The following MAGI2 variants were observed in gnomAD, a reference collection of about 807,000 sequenced individuals.
The protein encoded by MAGI2 is membrane-associated guanylate kinase, WW and PDZ domain-containing protein 2.
In MAGI2, 35 loss-of-function variants were observed where a neutral mutation model predicts 133.3. The ratio of observed to expected loss-of-function variants is 0.26; its 90% CI spans 0.20 to 0.35. The LOEUF (loss-of-function observed/expected upper bound fraction) is 0.35, where lower values mean the gene tolerates loss of function less well. MAGI2 is among the 10% of genes least tolerant of loss of function. MAGI2 has a pLI of 1.00. For missense variants in MAGI2, 1,636 were observed against 1,863.4 expected (o/e 0.88, Z 2.25); for synonymous variants, 729 against 710.6 (o/e 1.03, Z -0.41).
intron 1 of MAGI2, among the ~76,000 whole-genome samples, chr7:79,354,850 C>T (rs752301782): frequency 6.6e-5 from 10 of 152,136 alleles, no homozygotes; most frequent in African/African-American, 1.2e-4. Context: ...CAGAGGAGCT[C>T]CAGGATACTC....
intron 9 of MAGI2, among the ~76,000 whole-genome samples, chr7:78,323,259 A>G (rs1026799320): frequency 6.6e-6 from 1 of 152,166 alleles, no homozygotes; most frequent in African/African-American, 2.4e-5. Context: ...ACTACAAGAA[A>G]TATCTTTCTG....
intron 3 of MAGI2, among the ~76,000 whole-genome samples, chr7:78,569,323 C>T (rs972781369): frequency 3.3e-5 from 5 of 152,110 alleles, no homozygotes; most frequent in African/African-American, 1.2e-4. Flanking sequence ...GGGCATAGTA[C>T]ATGGTTAAGG....
At chr7:78,651,139 C>T (rs11514934) in intron 2 of MAGI2, among the ~76,000 whole-genome samples, 7,513 of 152,148 alleles carry the variant, frequency 0.049, 283 homozygotes, top group East Asian at 0.16. Context: ...GAAACAGCCC[C>T]TCCATGAGGC....
intron 2 of MAGI2, among the ~76,000 whole-genome samples, chr7:78,690,672 T>G (rs1227678674): frequency 6.6e-6 from 1 of 152,202 alleles, no homozygotes; most frequent in Admixed American, 6.6e-5. Context: ...GGCTTTAGAT[T>G]TAAATTCTGT....
chr7:78,031,268 A>G (rs1343137206), intron 21 of MAGI2, among the ~76,000 whole-genome samples: 1 of 152,208 alleles, frequency 6.6e-6, no homozygotes, highest in East Asian at 1.9e-4. Flanking sequence ...AAACTGTTCT[A>G]TATCTTAATT....
chr7:78,400,255 G>A (rs574341647), intron 6 of MAGI2, among the ~76,000 whole-genome samples: 9 of 152,084 alleles, frequency 5.9e-5, no homozygotes, highest in Non-Finnish European at 1.0e-4. Flanking sequence ...ATAATGGTCC[G>A]TTGTGACTGG....
intron 3 of MAGI2, among the ~76,000 whole-genome samples, chr7:78,552,579 A>T (rs1799445004): frequency 6.6e-6 from 1 of 152,248 alleles, no homozygotes; most frequent in Admixed American, 6.5e-5. Flanking sequence ...TAAAAATGAG[A>T]AACTATACAA....
rs118002820 is a variant in MAGI2 at position 78,608,861 on chromosome 7, C to T, written c.538+18259G>A. Among the ~76,000 whole-genome samples, 120 of 152,164 alleles carry T rather than the reference C, an allele frequency of 7.9e-4. 2 individuals are homozygous for T. In the East Asian group the frequency reaches 0.022, roughly 27 times the overall value. ...TGACTGGCTGTTTTAGTCAGGGTTC[C>T]CTAGAGGGGCAGAACTAATAGAATG... is the stretch of plus-strand genomic sequence containing the variant. On this transcript the variant is annotated intron_variant, in intron 3 of 21. Transcript: ENST00000354212.
chr7:79,165,257 A>G (rs1253588408), intron 1 of MAGI2, among the ~76,000 whole-genome samples: 1 of 151,704 alleles, frequency 6.6e-6, no homozygotes, highest in East Asian at 1.9e-4. Flanking sequence ...ATAGATTAAC[A>G]TCTTTTAAGT....
rs1839472739 is a variant in MAGI2 at position 79,324,555 on chromosome 7, ATAC to A, written c.301+128462_301+128464del. 5.2e-5 allele frequency among the ~76,000 whole-genome samples: 3 copies of A among 57,446 alleles called. 1 individual carries two copies. The highest frequency in any genetic ancestry group is 1.9e-4 in the African/African-American group (3 of 15,936). The allele number at this position is 57,446 out of a possible 152,430, so 37.7% of individuals were successfully genotyped here. Reference sequence around the variant, plus strand: ...TATATATAACCATATATATACATATATACACATATAACCATATATATACACCAT... The same window carrying A: ...TATATATAACCATATATATACATATAACATATAACCATATATATACACCAT... On this transcript the variant is annotated intron_variant, in intron 1 of 21. Coordinates refer to ENST00000354212, the MANE Select transcript of MAGI2 (RefSeq NM_012301.4).
At chr7:78,131,374 T>C (rs537752400) in intron 18 of MAGI2, among the ~76,000 whole-genome samples, 1 of 152,306 alleles carries the variant, frequency 6.6e-6, no homozygotes, top group African/African-American at 2.4e-5. Flanking sequence ...GGGAAATCAG[T>C]AGAATAAGGC....
chr7:78,369,939 A>G lies in MAGI2; in HGVS notation c.1046-726T>C, dbSNP rs556907980. Among the ~76,000 whole-genome samples the G allele has an allele frequency of 1.1e-4, 17 of 152,136 alleles. 1 individual carries two copies. In the South Asian group the frequency reaches 3.5e-3, roughly 32 times the overall value. ...GCTTTGCTTCATAATATTGTTTTCC[A>G]AATACACCAAGGTTTTATAATTATT... On this transcript the variant is annotated intron_variant, in intron 6 of 21. Transcript: ENST00000354212.
intron 2 of MAGI2, among the ~76,000 whole-genome samples, chr7:78,872,065 A>C (rs972089221): frequency 6.6e-6 from 1 of 151,838 alleles, no homozygotes; most frequent in Admixed American, 6.6e-5. Flanking sequence ...GCTTTTCTCA[A>C]AGTATACTTA....
rs910874252 is a variant in MAGI2, at chr7:79,349,009, T to A, written c.301+104011A>T. Among the ~76,000 whole-genome samples, 8 of 152,058 alleles carry A rather than the reference T, an allele frequency of 5.3e-5. No individual in the cohort carries two copies. The East Asian group carries it at 1.5e-3, about 29-fold the overall frequency. On this transcript the variant is annotated intron_variant, in intron 1 of 21. Transcript: ENST00000354212. ...AAAGTATTTAGCTCAAAAAAAGACATCTCTGTTATGTAAGTAAAACTATTT... is the reference window on the plus strand; with the variant it reads ...AAAGTATTTAGCTCAAAAAAAGACAACTCTGTTATGTAAGTAAAACTATTT...
chr7:78,466,366 G>A (rs1790634635), intron 6 of MAGI2, among the ~76,000 whole-genome samples: 1 of 152,192 alleles, frequency 6.6e-6, no homozygotes, highest in Non-Finnish European at 1.5e-5. Flanking sequence ...CTTGGGCACA[G>A]GTGTGAACAC....
intron 3 of MAGI2, among the ~76,000 whole-genome samples, chr7:78,626,831 T>A (rs1470496160): frequency 3.3e-4 from 2 of 6,006 alleles, no homozygotes; most frequent in Admixed American, 2.0e-3. Flanking sequence ...CTTCAATGTG[T>A]GTGTGTGTGT....
At chr7:78,888,672 A>C (rs1379644164) in intron 2 of MAGI2, among the ~76,000 whole-genome samples, 1 of 152,224 alleles carries the variant, frequency 6.6e-6, no homozygotes, top group Admixed American at 6.5e-5. Flanking sequence ...AAGGGTCATG[A>C]CTGTTAGAAG....
intron 1 of MAGI2, among the ~76,000 whole-genome samples, chr7:79,015,236 C>T (rs1808570031): frequency 6.6e-6 from 1 of 152,056 alleles, no homozygotes; most frequent in Non-Finnish European, 1.5e-5. Flanking sequence ...AGGAGGATCA[C>T]TTGAGGACAG....
intron 20 of MAGI2, among the ~76,000 whole-genome samples, chr7:78,098,564 T>G (rs1488204137): frequency 1.3e-5 from 2 of 152,180 alleles, no homozygotes; most frequent in Non-Finnish European, 2.9e-5. Flanking sequence ...TAATAAACAT[T>G]GCTGAAAATG....
Sources: gnomAD v4.1 joint callset for allele counts (sites outside exome capture counted in the v4.1 genomes callset) on GRCh38, gnomAD v4.1.1 for gene constraint, MANE v1.5 for transcripts, NCBI Gene and HGNC (gene_info 2026-07-23, HGNC 2026-07-21) for gene names.